The following PCDHGA5 variants were observed in gnomAD, a reference collection of about 807,000 sequenced individuals.
PCDHGA5 encodes protocadherin gamma subfamily A, 5, also known as protocadherin gamma-A5.
PCDHGA5 carries 36 observed loss-of-function variants against 56.7 expected under a neutral mutation model. The observed-to-expected ratio is 0.64, with a 90% CI of 0.49 to 0.84. PCDHGA5 has a LOEUF of 0.84. Among genes scored for constraint, PCDHGA5 ranks in the 40% least tolerant of loss-of-function variants. The probability of loss-of-function intolerance (pLI) is 0.00; values close to 1 mark genes in which losing one functional copy is unlikely to be tolerated. For missense variants in PCDHGA5, 1,305 were observed against 1,201.5 expected (o/e 1.09, Z -1.27); for synonymous variants, 563 against 520.2 (o/e 1.08, Z -1.12).
At chr5:141,419,331 T>G (rs2096361475) in intron 1 of PCDHGA5, 2 of 1,613,840 alleles carry the variant, frequency 1.2e-6, no homozygotes, top group Non-Finnish European at 8.5e-7. Flanking sequence ...TCCTACTCTC[T>G]CATTGCCAGC....
chr5:141,492,078 C>T (rs948391194), intron 1 of PCDHGA5: 4 of 483,290 alleles, frequency 8.3e-6, no homozygotes, highest in African/African-American at 2.0e-5. Flanking sequence ...GCGCCGGCTC[C>T]GGCACGCTTC....
chr5:141,428,052 G>A (rs750852525), intron 1 of PCDHGA5: 6 of 1,608,992 alleles, frequency 3.7e-6, no homozygotes, highest in East Asian at 4.5e-5. Context: ...GACCAAGGTG[G>A]TGGCGGTGGA....
chr5:141,404,083 G>A (rs761560113), intron 1 of PCDHGA5: 7 of 1,613,736 alleles, frequency 4.3e-6, no homozygotes, highest in Admixed American at 3.3e-5. Context: ...GAGACTCCGG[G>A]AAGAATGGTC....
chr5:141,419,730 G>A (rs747960969), intron 1 of PCDHGA5: 9 of 1,613,746 alleles, frequency 5.6e-6, no homozygotes, highest in Non-Finnish European at 7.6e-6. Context: ...CTGCGAACAG[G>A]CGAGGTGCGC....
intron 1 of PCDHGA5, chr5:141,374,279 A>G: frequency 6.2e-7 from 1 of 1,614,000 alleles, no homozygotes; most frequent in Non-Finnish European, 8.5e-7. Context: ...CGGAGTCCGC[A>G]TCGTCTCCAG....
At position 141,389,059 on chromosome 5, in the gene PCDHGA5, T is replaced by C. The variant is rs773183818; in HGVS notation, c.2421+22308T>C. The stretch of plus-strand genomic sequence containing the variant: ...TTGGAAGGTGATGTTCCATTTAAAA[T>C]ATTAACTTCTTCAAGAAACACGTAT... On this transcript the variant is annotated intron_variant, in intron 1 of 3. Transcript: ENST00000518069. 4 of 1,613,988 alleles carry C rather than the reference T, an allele frequency of 2.5e-6. No individual in the cohort carries two copies. In the South Asian group the frequency reaches 4.4e-5, roughly 18 times the overall value.
chr5:141,468,952 G>GA (rs2099186671), intron 1 of PCDHGA5, among the ~76,000 whole-genome samples: 1 of 151,198 alleles, frequency 6.6e-6, no homozygotes. Context: ...TAAACCTGTG[G>GA]TTTTTTTTAC....
intron 1 of PCDHGA5, among the ~76,000 whole-genome samples, chr5:141,446,714 G>T (rs193229261): frequency 2.6e-5 from 4 of 152,044 alleles, no homozygotes; most frequent in African/African-American, 9.7e-5. Flanking sequence ...TGATCTGCCC[G>T]CCTCGGCCTC....
intron 1 of PCDHGA5, among the ~76,000 whole-genome samples, chr5:141,430,014 G>A (rs925858697): frequency 6.6e-6 from 1 of 152,130 alleles, no homozygotes; most frequent in South Asian, 2.1e-4. Context: ...TTTCACTTGG[G>A]TTCTTGTTAA....
At chr5:141,394,885 T>C (rs769027830) in intron 1 of PCDHGA5, 1 of 1,613,758 alleles carries the variant, frequency 6.2e-7, no homozygotes. Context: ...AGCCTTACAC[T>C]CTATCTCGTG....
At chr5:141,414,491 A>T in intron 1 of PCDHGA5, 1 of 1,613,962 alleles carries the variant, frequency 6.2e-7, no homozygotes, top group Non-Finnish European at 8.5e-7. Flanking sequence ...CTATCAACGG[A>T]AGCTCACTTT....
At chr5:141,452,472 A>C (rs995927368) in intron 1 of PCDHGA5, among the ~76,000 whole-genome samples, 6 of 152,170 alleles carry the variant, frequency 3.9e-5, no homozygotes, top group Non-Finnish European at 8.8e-5. Flanking sequence ...AGCTAGGAAA[A>C]ACACACATAA....
At chr5:141,374,245 G>A (rs1460959579) in intron 1 of PCDHGA5, 2 of 1,613,980 alleles carry the variant, frequency 1.2e-6, no homozygotes, top group Non-Finnish European at 1.7e-6. Context: ...ATCTGGGACT[G>A]GAGCCCCAGG....
At chr5:141,461,291 C>A (rs892436619) in intron 1 of PCDHGA5, among the ~76,000 whole-genome samples, 1 of 152,128 alleles carries the variant, frequency 6.6e-6, no homozygotes, top group African/African-American at 2.4e-5. Flanking sequence ...CACATCCACA[C>A]CAACATCTAT....
At chr5:141,468,871 T>TAAG (rs796694379) in intron 1 of PCDHGA5, among the ~76,000 whole-genome samples, 1 of 148,338 alleles carries the variant, frequency 6.7e-6, no homozygotes, top group African/African-American at 2.5e-5. Flanking sequence ...ATCTCAAAAA[T>TAAG]AATAATAATA....
In PCDHGA5 at chr5:141,489,594, TGTAGAG is replaced by T. The variant is rs1298302866; in HGVS notation, c.2422-5206_2422-5201del. 1 of 1,613,958 alleles carries T rather than the reference TGTAGAG, an allele frequency of 6.2e-7. No homozygotes were observed. The highest frequency in any genetic ancestry group is 1.3e-5 in the African/African-American group (1 of 74,906). ...CTGAACACCCCCTGGAGCTAATCCG[TGTAGAG>T]GTAGAGATCCTGGATCTCAATGACA... On this transcript the variant is annotated intron_variant, in intron 1 of 3. Coordinates refer to ENST00000518069, the MANE Select transcript of PCDHGA5 (RefSeq NM_018918.3). The surrounding 1 kb of genome is among the most constrained non-coding windows in gnomAD (Gnocchi z 4.5).
At chr5:141,441,398 G>A (rs1257981333) in intron 1 of PCDHGA5, 1 of 154,848 alleles carries the variant, frequency 6.5e-6, no homozygotes, top group Non-Finnish European at 1.4e-5. Context: ...TATAACATCA[G>A]CATCACTGCC....
Position 141,430,721 on chromosome 5 carries a change from T to C in PCDHGA5, c.2421+63970T>C, listed in dbSNP as rs2097305223. The C allele has an allele frequency of 3.4e-6, 5 of 1,489,270 alleles. No homozygotes were observed. The South Asian group carries it at 7.3e-5, about 22-fold the overall frequency. 92.3% of individuals were successfully genotyped at this position (1,489,270 alleles called of 1,614,324 possible). A position where few individuals can be genotyped will look rare whatever the true frequency, so the allele number is the denominator to read the frequency against. On this transcript the variant is annotated intron_variant, in intron 1 of 3. Coordinates refer to ENST00000518069, the MANE Select transcript of PCDHGA5 (RefSeq NM_018918.3). ...AGGAACTGCTCCTGACTTCAGTGGT[T>C]AAGGGCAGAATTGAAAATAATTCTG...
In PCDHGA5 at chr5:141,477,533, G is replaced by C. The variant is rs780541121; in HGVS notation, c.2422-17274G>C. On this transcript the variant is annotated intron_variant, in intron 1 of 3. Transcript: ENST00000518069. This position sits in a 1 kb window ranked among gnomAD's most constrained non-coding sequence, Gnocchi z 4.9. ...TTACATTGAAGAAAACAACCTCCCC[G>C]GGGCTCCAATACTAAACCTAAGTGT... The C allele has an allele frequency of 6.2e-7, 1 of 1,613,892 alleles. No individual in the cohort carries two copies. The highest frequency in any genetic ancestry group is 1.3e-5 in the African/African-American group (1 of 74,852).
Sources: gnomAD v4.1 joint callset for allele counts (sites outside exome capture counted in the v4.1 genomes callset) on GRCh38, gnomAD v4.1.1 for gene constraint, Gnocchi (gnomAD v3.1) non-coding constraint, MANE v1.5 for transcripts, NCBI Gene and HGNC (gene_info 2026-07-23, HGNC 2026-07-21) for gene names.